Variants in CPQ observed in about 807,000 individuals in gnomAD.
The protein encoded by CPQ is carboxypeptidase Q, also known as Ser-Met dipeptidase.
A neutral mutation model predicts 45.7 loss-of-function variants in CPQ; 37 were observed. That is an observed-to-expected ratio of 0.81 (90% CI 0.62 to 1.07). CPQ has a LOEUF of 1.07. Ranked by LOEUF, CPQ falls within the 50% of genes least tolerant of loss-of-function variation. The probability of loss-of-function intolerance (pLI) is 0.00; values close to 1 mark genes in which losing one functional copy is unlikely to be tolerated. For missense variants in CPQ, 537 were observed against 572.9 expected (o/e 0.94, Z 0.64); for synonymous variants, 186 against 205.8 (o/e 0.90, Z 0.82).
intron 1 of CPQ, among the ~76,000 whole-genome samples, chr8:96,675,722 T>C (rs1193460931): frequency 1.3e-5 from 2 of 152,078 alleles, no homozygotes; most frequent in African/African-American, 4.8e-5. Flanking sequence ...AACTTAGTAA[T>C]GTGATGGAGG....
At chr8:96,675,211 G>A (rs573308810) in intron 1 of CPQ, among the ~76,000 whole-genome samples, 1 of 151,826 alleles carries the variant, frequency 6.6e-6, no homozygotes, top group Non-Finnish European at 1.5e-5. Flanking sequence ...GCCACCACTG[G>A]GTTACCCTCC....
At chr8:97,027,477 T>A (rs1809822823) in intron 5 of CPQ, among the ~76,000 whole-genome samples, 1 of 152,224 alleles carries the variant, frequency 6.6e-6, no homozygotes, top group Non-Finnish European at 1.5e-5. Context: ...TCTCATTTAA[T>A]CTGAAAAAGG....
At chr8:96,702,662 T>C (rs1321641800) in intron 1 of CPQ, among the ~76,000 whole-genome samples, 1 of 152,182 alleles carries the variant, frequency 6.6e-6, no homozygotes, top group Non-Finnish European at 1.5e-5. Context: ...AACTGAGACA[T>C]GGAGCCATTA....
intron 1 of CPQ, among the ~76,000 whole-genome samples, chr8:96,692,257 C>T (rs577080982): frequency 4.6e-5 from 7 of 152,268 alleles, no homozygotes; most frequent in Admixed American, 2.0e-4. Context: ...CAAGATTGTA[C>T]CTTGCTTGTA....
At chr8:96,679,249 G>A (rs1471380934) in intron 1 of CPQ, among the ~76,000 whole-genome samples, 1 of 152,042 alleles carries the variant, frequency 6.6e-6, no homozygotes, top group Non-Finnish European at 1.5e-5. Flanking sequence ...AACAATCCTT[G>A]CATCCCTGGG....
At chr8:97,029,372 G>T (rs1392281033) in intron 5 of CPQ, 31 bp from the exon 6 acceptor site, 2 of 1,548,034 alleles carry the variant, frequency 1.3e-6, no homozygotes, top group Non-Finnish European at 1.8e-6. Context: ...ATCAACTAAA[G>T]TATCACTTTT....
chr8:96,838,803 C>T (rs1009296939), intron 3 of CPQ, among the ~76,000 whole-genome samples: 7 of 151,994 alleles, frequency 4.6e-5, no homozygotes, highest in Admixed American at 2.0e-4. Context: ...CCAGCTGACC[C>T]GGTTCCTGGT....
intron 5 of CPQ, among the ~76,000 whole-genome samples, chr8:97,022,492 G>C (rs567164494): frequency 2.6e-5 from 4 of 152,064 alleles, no homozygotes; most frequent in Non-Finnish European, 4.4e-5. Flanking sequence ...TCTGACAAAG[G>C]ACTAATATCC....
intron 7 of CPQ, 90 bp downstream of exon 7, chr8:97,066,300 T>A: frequency 8.6e-7 from 1 of 1,167,894 alleles, no homozygotes; most frequent in South Asian, 1.4e-5. Context: ...TGAATACTAG[T>A]AGGCCAGGTT....
intron 4 of CPQ, among the ~76,000 whole-genome samples, chr8:96,917,645 A>G (rs1416433469): frequency 6.6e-6 from 1 of 152,138 alleles, no homozygotes; most frequent in Non-Finnish European, 1.5e-5. Context: ...CATTGCTTCT[A>G]GGTCTTCTCA....
chr8:97,096,070 G>C (rs1811206416), intron 7 of CPQ, among the ~76,000 whole-genome samples: 1 of 152,124 alleles, frequency 6.6e-6, no homozygotes, highest in African/African-American at 2.4e-5. Context: ...TGATGATGAT[G>C]ATGATGATGA....
chr8:97,030,862 GA>G, intron 6 of CPQ, among the ~76,000 whole-genome samples: 1 of 152,240 alleles, frequency 6.6e-6, no homozygotes, highest in African/African-American at 2.4e-5. Context: ...GTAAGCTAAG[GA>G]AAATGGAGAG....
chr8:96,780,269 G>A (rs1291307325), intron 1 of CPQ, among the ~76,000 whole-genome samples: 3 of 152,170 alleles, frequency 2.0e-5, no homozygotes, highest in African/African-American at 7.2e-5. Flanking sequence ...GTGTTGTTTA[G>A]TGAGCCTTTA....
intron 6 of CPQ, among the ~76,000 whole-genome samples, chr8:97,063,495 T>G (rs1295925424): frequency 2.6e-5 from 4 of 152,198 alleles, no homozygotes; most frequent in Non-Finnish European, 1.5e-5. Flanking sequence ...TCTGTCAACT[T>G]TTGCTTTTGT....
intron 4 of CPQ, among the ~76,000 whole-genome samples, chr8:96,911,487 C>G (rs1042347593): frequency 6.6e-6 from 1 of 152,160 alleles, no homozygotes; most frequent in African/African-American, 2.4e-5. Context: ...TTGCACTTTC[C>G]CAGCTTCTAG....
chr8:97,123,584 A>G (rs569105796), intron 7 of CPQ, among the ~76,000 whole-genome samples: 4 of 152,078 alleles, frequency 2.6e-5, no homozygotes, highest in Admixed American at 1.3e-4. Flanking sequence ...CTCATATGAA[A>G]TGAAAGGAAG....
In CPQ at chr8:97,123,474, T is replaced by TA. The variant is rs1390528063; in HGVS notation, c.1256-19545dup. Among the ~76,000 whole-genome samples the TA allele has an allele frequency of 9.9e-5, 15 of 151,610 alleles. No homozygotes were observed. The South Asian group carries it at 2.7e-3, about 27-fold the overall frequency. On this transcript the variant is annotated intron_variant, in intron 7 of 7. Coordinates refer to ENST00000220763, the MANE Select transcript of CPQ (RefSeq NM_016134.4). ...AGTACATATCTAATGAAGACTGTGA[T>TA]AGTTAAAATGCATATTGTAAATGCT... is the stretch of plus-strand genomic sequence containing the variant.
chr8:96,707,732 T>C (rs1420935567), intron 1 of CPQ, among the ~76,000 whole-genome samples: 1 of 152,130 alleles, frequency 6.6e-6, no homozygotes, highest in African/African-American at 2.4e-5. Flanking sequence ...TTTATTATTT[T>C]GTAGTTCTGG....
At chr8:96,680,794 C>T (rs1809140177) in intron 1 of CPQ, among the ~76,000 whole-genome samples, 1 of 152,042 alleles carries the variant, frequency 6.6e-6, no homozygotes, top group African/African-American at 2.4e-5. Context: ...TGTTGAATAG[C>T]CTTGACCAAA....
Sources: gnomAD v4.1 joint callset for allele counts (sites outside exome capture counted in the v4.1 genomes callset) on GRCh38, gnomAD v4.1.1 for gene constraint, MANE v1.5 for transcripts, NCBI Gene and HGNC (gene_info 2026-07-23, HGNC 2026-07-21) for gene names.